The following PPP1R9A variants were observed in gnomAD, a reference collection of about 807,000 sequenced individuals.
The protein encoded by PPP1R9A is protein phosphatase 1 regulatory subunit 9A, also known as neurabin-1.
A neutral mutation model predicts 141.9 loss-of-function variants in PPP1R9A; 59 were observed. The ratio of observed to expected loss-of-function variants is 0.42; its 90% confidence interval spans 0.34 to 0.52. The LOEUF (loss-of-function observed/expected upper bound fraction) is 0.52, where lower values mean the gene tolerates loss of function less well. Ranked by LOEUF, PPP1R9A falls within the 20% of genes least tolerant of loss-of-function variation. PPP1R9A has a pLI of 0.10. For synonymous variants in PPP1R9A, 500 were observed against 569.7 expected (o/e 0.88, Z 1.74); for missense variants, 1,444 against 1,611.9 (o/e 0.90, Z 1.78).
At chr7:95,193,106 G>C (rs1360046427) in intron 5 of PPP1R9A, among the ~76,000 whole-genome samples, 1 of 152,022 alleles carries the variant, frequency 6.6e-6, no homozygotes, top group Non-Finnish European at 1.5e-5. Flanking sequence ...ATGAGGCAGG[G>C]GACTGTTGTT....
At chr7:95,050,530 CCAGCCT>C (rs1037458551) in intron 2 of PPP1R9A, among the ~76,000 whole-genome samples, 83 of 152,228 alleles carry the variant, frequency 5.5e-4, no homozygotes, top group African/African-American at 1.9e-3. Flanking sequence ...GAGTTCCAAA[CCAGCCT>C]GACCAATGTG....
At chr7:95,078,309 C>T (rs1473223985) in intron 2 of PPP1R9A, among the ~76,000 whole-genome samples, 2 of 151,786 alleles carry the variant, frequency 1.3e-5, no homozygotes, top group Non-Finnish European at 2.9e-5. Context: ...AGGACATGAA[C>T]TCATCATTTT....
intron 2 of PPP1R9A, among the ~76,000 whole-genome samples, chr7:95,041,282 G>A (rs184728995): frequency 3.1e-3 from 474 of 152,240 alleles, no homozygotes; most frequent in Middle Eastern, 6.8e-3. Flanking sequence ...GATCCCCTGC[G>A]TCTGTTTGTA....
chr7:95,243,316 T>C (rs1479105413), intron 8 of PPP1R9A, among the ~76,000 whole-genome samples: 1 of 152,138 alleles, frequency 6.6e-6, no homozygotes. Context: ...CCCTGAAGTA[T>C]CTTGAAAGTA....
chr7:95,214,816 A>G (rs1792949918), intron 7 of PPP1R9A, among the ~76,000 whole-genome samples: 1 of 152,222 alleles, frequency 6.6e-6, no homozygotes, highest in Admixed American at 6.5e-5. Context: ...TTTAGGAAGA[A>G]TAATTTTTCA....
chr7:95,270,067 G>C (rs1284598241), intron 14 of PPP1R9A, among the ~76,000 whole-genome samples: 2 of 152,274 alleles, frequency 1.3e-5, no homozygotes, highest in East Asian at 3.9e-4. Flanking sequence ...AGTCTTATGG[G>C]AGTACAGTCA....
At chr7:95,192,542 C>T (rs1432521583) in intron 5 of PPP1R9A, among the ~76,000 whole-genome samples, 1 of 151,966 alleles carries the variant, frequency 6.6e-6, no homozygotes, top group African/African-American at 2.4e-5. Flanking sequence ...ATTAAAACAA[C>T]AGCTTACATT....
chr7:95,279,084 G>A (rs896719562), intron 16 of PPP1R9A, among the ~76,000 whole-genome samples: 5 of 152,266 alleles, frequency 3.3e-5, no homozygotes, highest in South Asian at 4.1e-4. Context: ...TTCTTCTTGC[G>A]TATTTTGCTG....
chr7:95,000,093 G>A (rs1054331140), intron 2 of PPP1R9A, among the ~76,000 whole-genome samples: 10 of 152,068 alleles, frequency 6.6e-5, no homozygotes, highest in African/African-American at 2.2e-4. Context: ...ATGAGCCACC[G>A]CGCCCAGCCA....
intron 2 of PPP1R9A, among the ~76,000 whole-genome samples, chr7:95,096,137 A>AG (rs1280170060): frequency 2.0e-5 from 3 of 152,212 alleles, no homozygotes; most frequent in Non-Finnish European, 4.4e-5. Flanking sequence ...TCTTTATATG[A>AG]GACCAGAACA....
At chr7:94,949,769 T>C (rs79578874) in intron 2 of PPP1R9A, among the ~76,000 whole-genome samples, 1,994 of 152,076 alleles carry the variant, frequency 0.013, 47 homozygotes, top group African/African-American at 0.046. Flanking sequence ...AGGTGAATCA[T>C]AGGGTGTGAT....
intron 2 of PPP1R9A, among the ~76,000 whole-genome samples, chr7:94,992,077 T>G (rs544125129): frequency 2.6e-5 from 4 of 152,380 alleles, no homozygotes; most frequent in African/African-American, 9.6e-5. Flanking sequence ...ATGTATACCC[T>G]ATGTGATCAT....
At chr7:94,993,783 T>G (rs1409326279) in intron 2 of PPP1R9A, among the ~76,000 whole-genome samples, 1 of 152,190 alleles carries the variant, frequency 6.6e-6, no homozygotes, top group Non-Finnish European at 1.5e-5. Flanking sequence ...GCTTGGAAAT[T>G]TTGTCAGATT....
Position 95,096,979 on chromosome 7 carries a change from A to C in PPP1R9A, c.1396-14280A>C, listed in dbSNP as rs530357150. ...ACTGTGTGCTCCCATAGCATGGCCCACATCCCTTTATTACGGCCCTTATGT... is the reference window on the plus strand; with the variant it reads ...ACTGTGTGCTCCCATAGCATGGCCCCCATCCCTTTATTACGGCCCTTATGT... On this transcript the variant is annotated intron_variant, in intron 2 of 19. Coordinates refer to ENST00000433360, the MANE Select transcript of PPP1R9A (RefSeq NM_001166160.2). 2.4e-4 allele frequency among the ~76,000 whole-genome samples: 36 copies of C among 152,296 alleles called. 2 individuals are homozygous for C. Among genetic ancestry groups the C allele is most frequent in the Admixed American group, 6.5e-4 (10 of 15,288 alleles).
chr7:94,947,511 T>G (rs78466834), intron 2 of PPP1R9A, among the ~76,000 whole-genome samples: 174 of 152,184 alleles, frequency 1.1e-3, no homozygotes, highest in African/African-American at 3.9e-3. Flanking sequence ...AAGTAAGAGA[T>G]TCTTCAAACA....
intron 2 of PPP1R9A, chr7:95,036,279 T>A (rs549459284): frequency 6.6e-6 from 1 of 152,314 alleles, no homozygotes; most frequent in Admixed American, 6.5e-5. Flanking sequence ...TTAGTATTAG[T>A]TCCACAGACA....
chr7:95,205,048 G>A (rs181886712), intron 7 of PPP1R9A, among the ~76,000 whole-genome samples: 13 of 151,750 alleles, frequency 8.6e-5, no homozygotes, highest in Non-Finnish European at 1.5e-4. Context: ...CTGATCCCAC[G>A]GGGTAGACAT....
intron 2 of PPP1R9A, among the ~76,000 whole-genome samples, chr7:95,080,106 G>T (rs1235998447): frequency 6.6e-6 from 1 of 152,228 alleles, no homozygotes; most frequent in African/African-American, 2.4e-5. Context: ...GGCAGGAGAA[G>T]GAAATAAAGG....
At chr7:95,134,916 A>C (rs1825366962) in intron 4 of PPP1R9A, among the ~76,000 whole-genome samples, 1 of 152,144 alleles carries the variant, frequency 6.6e-6, no homozygotes, top group African/African-American at 2.4e-5. Flanking sequence ...ATTGCCATTT[A>C]CTTTTTTTAA....
Sources: gnomAD v4.1 joint callset for allele counts (sites outside exome capture counted in the v4.1 genomes callset) on GRCh38, gnomAD v4.1.1 for gene constraint, MANE v1.5 for transcripts, NCBI Gene and HGNC (gene_info 2026-07-23, HGNC 2026-07-21) for gene names.